Variants in MTCL1 observed in about 807,000 individuals in gnomAD.
The protein encoded by MTCL1 is microtubule cross-linking factor 1.
A neutral mutation model predicts 141.4 loss-of-function variants in MTCL1; 79 were observed. The ratio of observed to expected loss-of-function variants is 0.56; its 90% CI spans 0.47 to 0.67. The LOEUF (loss-of-function observed/expected upper bound fraction) is 0.67. Ranked by LOEUF, MTCL1 falls within the 30% of genes least tolerant of loss-of-function variation. The pLI is 0.00. For synonymous variants in MTCL1, 914 were observed against 875.8 expected, an observed-to-expected ratio of 1.04 and a Z score of -0.77; for missense variants, 2,177 against 2,113.9, an observed-to-expected ratio of 1.03 and a Z score of -0.59.
At chr18:8,720,530 G>T (rs777486907) in intron 4 of MTCL1, 34 bp downstream of exon 3, 19 of 1,595,520 alleles carry the variant, frequency 1.2e-5, no homozygotes, top group Middle Eastern at 1.7e-4. Flanking sequence ...TGCCCCCTTG[G>T]ATTTAATAAG....
chr18:8,753,439 C>T (rs535899605), intron 4 of MTCL1, among the ~76,000 whole-genome samples: 1 of 152,300 alleles, frequency 6.6e-6, no homozygotes, highest in Admixed American at 6.5e-5. Flanking sequence ...GGATCAGAGA[C>T]AAAGGACTCA....
chr18:8,749,288 G>A, intron 4 of MTCL1, among the ~76,000 whole-genome samples: 1 of 152,188 alleles, frequency 6.6e-6, no homozygotes, highest in African/African-American at 2.4e-5. Context: ...ACTATATCAG[G>A]GTGGGGAGGA....
intron 4 of MTCL1, among the ~76,000 whole-genome samples, chr18:8,759,117 A>G (rs1328887988): frequency 6.6e-6 from 1 of 152,232 alleles, no homozygotes; most frequent in Non-Finnish European, 1.5e-5. Context: ...GCCTGTGAGC[A>G]AAGTCTTCGT....
At chr18:8,827,493 G>C (rs2077063375) in intron 15 of MTCL1, among the ~76,000 whole-genome samples, 1 of 152,192 alleles carries the variant, frequency 6.6e-6, no homozygotes, top group Non-Finnish European at 1.5e-5. Flanking sequence ...TCCAAGATCT[G>C]AGTCTTTGTG....
chr18:8,710,285 A>C (rs1348557338), intron 1 of MTCL1, among the ~76,000 whole-genome samples: 1 of 151,420 alleles, frequency 6.6e-6, no homozygotes, highest in African/African-American at 2.4e-5. Flanking sequence ...ACTAGGTGAA[A>C]AATGCAAAAT....
rs377502555 is a variant in MTCL1 at position 8,825,313 on chromosome 18, C to T, written c.3803C>T (p.Ala1268Val). 27 of 1,539,136 alleles carry T rather than the reference C, an allele frequency of 1.8e-5. No homozygotes were observed. The African/African-American group carries it at 2.6e-4, about 15-fold the overall frequency. Reference sequence around the variant, plus strand: ...CCCCTCTGTACCTCCCTGGGGTTTGCCTCCCCACTGCACAGCCTGGAGATG... The same window carrying T: ...CCCCTCTGTACCTCCCTGGGGTTTGTCTCCCCACTGCACAGCCTGGAGATG... The change falls in exon 15 of 17, where the codon GCC becomes GTC. Residue 1268 changes from alanine (A) to valine (V), a missense_variant. Ala to Val is a moderately conservative substitution (Grantham distance 64). Coordinates refer to ENST00000359865, the Ensembl canonical transcript of MTCL1.
At chr18:8,753,505 C>T in intron 4 of MTCL1, among the ~76,000 whole-genome samples, 1 of 152,178 alleles carries the variant, frequency 6.6e-6, no homozygotes, top group South Asian at 2.1e-4. Context: ...GTCCCCACAT[C>T]CAGTAAGCAT....
At chr18:8,770,656 T>C (rs954814543) in intron 4 of MTCL1, among the ~76,000 whole-genome samples, 2 of 152,172 alleles carry the variant, frequency 1.3e-5, no homozygotes, top group African/African-American at 4.8e-5. Context: ...GACACAAACA[T>C]TTAGTCCATA....
At position 8,822,032 on chromosome 18, in the gene MTCL1, T is replaced by TA. The variant is rs1447158429; in HGVS notation, c.3188+535dup. On this transcript the variant is annotated intron_variant, in intron 14 of 16. Transcript: ENST00000359865. The surrounding 1 kb of genome is among the most constrained non-coding windows in gnomAD (Gnocchi z 4.6). ...TTTCATCATTCTCCAAATGAATACA[T>TA]ACCGTTTCTACTACATGAAATTTCT... is the stretch of plus-strand genomic sequence containing the variant. Among the ~76,000 whole-genome samples the TA allele has an allele frequency of 2.0e-5, 3 of 152,232 alleles. No homozygotes were observed. Among genetic ancestry groups the TA allele is most frequent in the Non-Finnish European group, 4.4e-5 (3 of 68,046 alleles).
At chr18:8,831,864 T>C in exon 17 of MTCL1, 1 of 1,526,466 alleles carries the variant, frequency 6.6e-7, no homozygotes, top group Non-Finnish European at 8.9e-7. Flanking sequence ...ACCATCACCA[T>C]GAACAAAACT....
intron 11 of MTCL1, among the ~76,000 whole-genome samples, chr18:8,807,921 C>T (rs1274452897): frequency 1.3e-5 from 2 of 151,540 alleles, no homozygotes; most frequent in Non-Finnish European, 2.9e-5. Context: ...TAGGGATTGG[C>T]CTGGTCATGA....
At chr18:8,723,254 A>T (rs542693583) in intron 4 of MTCL1, among the ~76,000 whole-genome samples, 1 of 152,346 alleles carries the variant, frequency 6.6e-6, no homozygotes, top group South Asian at 2.1e-4. Flanking sequence ...ACAAGGTTCA[A>T]AGGTGGTGGA....
chr18:8,768,995 A>G (rs928175904), intron 4 of MTCL1, among the ~76,000 whole-genome samples: 2 of 152,028 alleles, frequency 1.3e-5, no homozygotes, highest in Non-Finnish European at 2.9e-5. Context: ...GGGTTTCACC[A>G]TGTTGGCCTG....
At chr18:8,819,566 ATAAT>A (rs112173405) in intron 13 of MTCL1, among the ~76,000 whole-genome samples, 1 of 152,176 alleles carries the variant, frequency 6.6e-6, no homozygotes, top group Admixed American at 6.5e-5. Flanking sequence ...GAGGAAGTAA[ATAAT>A]TCTGGGAAGT....
intron 15 of MTCL1, among the ~76,000 whole-genome samples, chr18:8,827,929 C>T (rs2077077499): frequency 6.6e-6 from 1 of 152,216 alleles, no homozygotes; most frequent in African/African-American, 2.4e-5. Context: ...ATTTTCTCTT[C>T]ACTTGGTGTG....
Position 8,828,941 on chromosome 18 carries a change from C to G in MTCL1, c.4756C>G (p.Leu1586Val), listed in dbSNP as rs199571389. 1 of 1,614,242 alleles carries G rather than the reference C, an allele frequency of 6.2e-7. No homozygotes were observed. The highest frequency in any genetic ancestry group is 8.5e-7 in the Non-Finnish European group (1 of 1,180,040). ...TGTCTTGCTAACTGCCCCCTGGGGACTCTAGCCCTGCCCGCCTCACGCTGT... is the reference window on the plus strand; with the variant it reads ...TGTCTTGCTAACTGCCCCCTGGGGAGTCTAGCCCTGCCCGCCTCACGCTGT... The change falls in exon 16 of 17, where the codon CTC (leucine) becomes GTC (valine). Residue 1586 changes from leucine to valine, a missense_variant. Physicochemically the swap from Leu to Val is conservative, Grantham distance 32. Coordinates refer to ENST00000359865, the Ensembl canonical transcript of MTCL1. The surrounding 1 kb of genome is among the most constrained non-coding windows in gnomAD (Gnocchi z 5.2).
chr18:8,776,729 A>G (rs1167796747), intron 4 of MTCL1, among the ~76,000 whole-genome samples: 35 of 57,188 alleles, frequency 6.1e-4, no homozygotes, highest in African/African-American at 3.5e-3. Flanking sequence ...CTAGTTATTT[A>G]TTTATTTATT....
rs1370930650 is a variant in MTCL1, at chr18:8,718,655, G to T, written c.198+7G>T. The stretch of plus-strand genomic sequence containing the variant: ...CCTGGAGCAGGACTTGAAGGTGAGT[G>T]AGGGGGTGGTGCGTGCACCTCGCAA... On this transcript the variant is annotated splice_region_variant and intron_variant, in intron 3 of 16. Coordinates refer to ENST00000359865, the Ensembl canonical transcript of MTCL1. 6.2e-7 allele frequency: 1 copy of T among 1,612,344 alleles called. No homozygotes were observed. Among genetic ancestry groups the T allele is most frequent in the East Asian group, 2.2e-5 (1 of 44,882 alleles).
intron 7 of MTCL1, among the ~76,000 whole-genome samples, chr18:8,791,143 A>C (rs75162059): frequency 0.013 from 2,011 of 152,302 alleles, 45 homozygotes; most frequent in African/African-American, 0.046. Flanking sequence ...AGGGAACAGG[A>C]GATGGGGCCT....
Sources: allele counts gnomAD v4.1 joint callset (sites outside exome capture counted in the v4.1 genomes callset), GRCh38; gene constraint gnomAD v4.1.1; non-coding constraint Gnocchi (gnomAD v3.1); transcripts MANE v1.5; gene names NCBI Gene and HGNC (gene_info 2026-07-23, HGNC 2026-07-21).